Variants in UNC13C observed in about 807,000 individuals in gnomAD.
UNC13C encodes the protein protein unc-13 homolog C.
UNC13C carries 174 observed loss-of-function variants against 245.4 expected under a neutral mutation model. That is an observed-to-expected ratio of 0.71 (90% CI 0.63 to 0.80). The LOEUF is 0.80. Among genes scored for constraint, UNC13C ranks in the 30% least tolerant of loss-of-function variants. The pLI is 0.00. For synonymous variants in UNC13C, 992 were observed against 895.1 expected (o/e 1.11, Z -1.93); for missense variants, 2,829 against 2,602.9 (o/e 1.09, Z -1.89).
chr15:54,070,030 T>C (rs1898246772), intron 2 of UNC13C, among the ~76,000 whole-genome samples: 2 of 152,232 alleles, frequency 1.3e-5, no homozygotes, highest in African/African-American at 2.4e-5. Flanking sequence ...TGTAATAAGC[T>C]CAAGGTCATA....
At chr15:53,977,590 G>T (rs914075915), upstream of UNC13C, among the ~76,000 whole-genome samples, 1 of 152,212 alleles carries the variant, frequency 6.6e-6, no homozygotes, top group Non-Finnish European at 1.5e-5. Context: ...CAGTAGAGCA[G>T]ATGTAGCTTA....
chr15:54,599,472 T>C lies in UNC13C; in HGVS notation c.6107-22855T>C, dbSNP rs563315112. ...CTGCTTGCAATCATTGTTACATTTT[T>C]ATGCTATTTGTGGATAAAAATGGTA... is the stretch of plus-strand genomic sequence containing the variant. On this transcript the variant is annotated intron_variant, in intron 30 of 32. Coordinates refer to ENST00000260323, the MANE Select transcript of UNC13C (RefSeq NM_001080534.3). Among the ~76,000 whole-genome samples, 23 of 152,176 alleles carry C rather than the reference T, an allele frequency of 1.5e-4. 1 individual carries two copies. The South Asian group carries it at 4.8e-3, about 32-fold the overall frequency.
At chr15:54,345,611 G>A (rs1227745488) in intron 17 of UNC13C, among the ~76,000 whole-genome samples, 2 of 152,238 alleles carry the variant, frequency 1.3e-5, no homozygotes, top group East Asian at 1.9e-4. Context: ...ATTAACTCAC[G>A]GATATTTGGA....
intron 2 of UNC13C, chr15:54,049,002 T>G: frequency 2.7e-6 from 1 of 377,284 alleles, no homozygotes; most frequent in East Asian, 7.5e-5. Flanking sequence ...TGTTCCAAGT[T>G]TGAGAATTTT....
chr15:54,543,401 A>AG (rs142106337), intron 26 of UNC13C, among the ~76,000 whole-genome samples: 35,515 of 151,954 alleles, frequency 0.23, 8,280 homozygotes, highest in African/African-American at 0.6. Flanking sequence ...GAGAAGCAAG[A>AG]AAAACAAATT....
intron 19 of UNC13C, among the ~76,000 whole-genome samples, chr15:54,441,769 G>A (rs975280732): frequency 6.6e-6 from 1 of 151,808 alleles, no homozygotes; most frequent in Non-Finnish European, 1.5e-5. Context: ...TAAACTATTG[G>A]TTGATTTACG....
chr15:54,500,933 C>A lies in UNC13C; in HGVS notation c.5256C>A (p.Cys1752Ter). ...TTGAAATTATTAAGAAACTGGAATG[C>A]CCTAATCCTGAAGCATTATCTCACT... Reference protein sequence around the residue: ...QSFEIIKKLECPNPEALSHLM... With the variant: ...QSFEIIKKLE The change falls in exon 22 of 33, where the codon TGC becomes TGA. Residue 1752 changes from cysteine to a stop codon, truncating the protein, a stop_gained. Coordinates refer to ENST00000260323, the MANE Select transcript of UNC13C (RefSeq NM_001080534.3). LOFTEE classifies it high-confidence loss of function. The A allele has an allele frequency of 6.2e-7, 1 of 1,612,888 alleles. No homozygotes were observed.
chr15:53,934,514 T>C, the UNC13C span, among the ~76,000 whole-genome samples: 3 of 152,224 alleles, frequency 2.0e-5, no homozygotes, highest in Admixed American at 6.5e-5. Flanking sequence ...AGCCAAGTCC[T>C]AGAATAACAA....
At chr15:53,861,554 C>T in the UNC13C span, among the ~76,000 whole-genome samples, 6 of 152,090 alleles carry the variant, frequency 3.9e-5, no homozygotes, top group Non-Finnish European at 1.5e-5. Flanking sequence ...GTCAAAAACT[C>T]ATTTCTTAGC....
intron 19 of UNC13C, among the ~76,000 whole-genome samples, chr15:54,480,560 T>A (rs1307577569): frequency 1.9e-5 from 1 of 52,918 alleles, no homozygotes; most frequent in African/African-American, 7.7e-5. Flanking sequence ...AGTTCCATGA[T>A]TTTTTCTTTA....
At position 54,408,199 on chromosome 15, in the gene UNC13C, CAAAAAAAAAA is replaced by C. The variant is rs71105808; in HGVS notation, c.4848-6762_4848-6753del. On this transcript the variant is annotated intron_variant, in intron 18 of 32. Coordinates refer to ENST00000260323, the MANE Select transcript of UNC13C (RefSeq NM_001080534.3). ...TGGGTGACAGAGTGAGACTCTGCCT[CAAAAAAAAAA>C]AAAAAAAAAAAAAAAAAAAACATGG... 3.3e-3 allele frequency among the ~76,000 whole-genome samples: 96 copies of C among 29,120 alleles called. 1 individual carries two copies. Among genetic ancestry groups the C allele is most frequent in the Non-Finnish European group, 6.0e-3 (79 of 13,220 alleles). 19.1% of individuals were successfully genotyped at this position (29,120 alleles called of 152,430 possible). A position where few individuals can be genotyped will look rare whatever the true frequency, so the allele number is the denominator to read the frequency against.
At chr15:54,155,047 G>A (rs919715836) in intron 4 of UNC13C, among the ~76,000 whole-genome samples, 1 of 152,136 alleles carries the variant, frequency 6.6e-6, no homozygotes, top group African/African-American at 2.4e-5. Context: ...CAATCTTAAT[G>A]TCCTATCCTT....
chr15:54,363,677 GGGTGA>G (rs1249859027), intron 17 of UNC13C, among the ~76,000 whole-genome samples: 1 of 152,124 alleles, frequency 6.6e-6, no homozygotes, highest in Non-Finnish European at 1.5e-5. Flanking sequence ...CTAATTGGAG[GGGTGA>G]GACTGGGAGC....
intron 13 of UNC13C, among the ~76,000 whole-genome samples, chr15:54,317,871 C>T (rs1198666944): frequency 6.6e-6 from 1 of 151,804 alleles, no homozygotes. Flanking sequence ...TATCCTTTGA[C>T]CAGGATCTTC....
chr15:54,050,633 G>A (rs1897236752), intron 2 of UNC13C: 2 of 452,130 alleles, frequency 4.4e-6, no homozygotes, highest in Admixed American at 2.9e-5. Flanking sequence ...CAGAACTTAT[G>A]AGGACAAAGC....
chr15:54,019,492 G>A (rs1050539570), intron 2 of UNC13C, among the ~76,000 whole-genome samples: 1 of 152,146 alleles, frequency 6.6e-6, no homozygotes, highest in Non-Finnish European at 1.5e-5. Context: ...TTTGTAGAGT[G>A]CAATAAATAC....
chr15:54,051,851 G>A (rs1897281649), intron 2 of UNC13C, among the ~76,000 whole-genome samples: 2 of 145,054 alleles, frequency 1.4e-5, no homozygotes, highest in East Asian at 2.1e-4. Flanking sequence ...ATGCTGGTGC[G>A]CTGCACCCAC....
At chr15:54,485,454 T>G (rs941454384) in intron 19 of UNC13C, among the ~76,000 whole-genome samples, 4 of 152,154 alleles carry the variant, frequency 2.6e-5, no homozygotes, top group Admixed American at 6.5e-5. Flanking sequence ...TCTACCACAA[T>G]CATCACTGCT....
chr15:54,133,022 A>G (rs1451569072), intron 2 of UNC13C, among the ~76,000 whole-genome samples: 1 of 152,218 alleles, frequency 6.6e-6, no homozygotes, highest in South Asian at 2.1e-4. Flanking sequence ...TAAATTGACT[A>G]TATCTATCCA....
Sources: allele counts gnomAD v4.1 joint callset (sites outside exome capture counted in the v4.1 genomes callset), GRCh38; gene constraint gnomAD v4.1.1; transcripts MANE v1.5; gene names NCBI Gene and HGNC (gene_info 2026-07-23, HGNC 2026-07-21).